The following TMC1 variants were observed in gnomAD, a reference collection of about 807,000 sequenced individuals.
TMC1 encodes the protein transmembrane channel-like protein 1.
Under a neutral mutation model 105.8 loss-of-function variants are expected in TMC1, and 84 were observed. The observed-to-expected ratio is 0.79, with a 90% CI of 0.67 to 0.95. TMC1 has a LOEUF of 0.95. Ranked by LOEUF, TMC1 falls within the 40% of genes least tolerant of loss-of-function variation. TMC1 has a pLI of 0.00. For synonymous variants in TMC1, 315 were observed against 311.5 expected (o/e 1.01, Z -0.12); for missense variants, 817 against 914.1 (o/e 0.89, Z 1.37).
At chr9:72,525,857 A>C (rs891394718) in intron 1 of TMC1, among the ~76,000 whole-genome samples, 2 of 152,078 alleles carry the variant, frequency 1.3e-5, no homozygotes, top group African/African-American at 2.4e-5. Context: ...GCGTGGTGGC[A>C]CACACCTGTA....
chr9:72,639,289 G>T (rs917348550), intron 4 of TMC1, among the ~76,000 whole-genome samples: 1 of 152,090 alleles, frequency 6.6e-6, no homozygotes, highest in Non-Finnish European at 1.5e-5. Flanking sequence ...TTTCCATAAT[G>T]TATGGAAAGA....
intron 2 of TMC1, among the ~76,000 whole-genome samples, chr9:72,585,429 C>T (rs1230057498): frequency 6.6e-6 from 1 of 151,746 alleles, no homozygotes; most frequent in Non-Finnish European, 1.5e-5. Context: ...GGATTACAGG[C>T]GGGAGCCACT....
intron 13 of TMC1, 96 bp downstream of exon 13, chr9:72,772,651 A>T: frequency 6.6e-7 from 1 of 1,505,970 alleles, no homozygotes; most frequent in Non-Finnish European, 9.2e-7. Context: ...TTGCTATTTT[A>T]TGTCTAAAGG....
intron 12 of TMC1, among the ~76,000 whole-genome samples, chr9:72,764,268 C>A (rs963412079): frequency 3.9e-5 from 6 of 152,126 alleles, no homozygotes; most frequent in Non-Finnish European, 7.4e-5. Context: ...GTCCAGATGA[C>A]CACACACGTC....
chr9:72,557,076 A>G (rs1020192667), intron 1 of TMC1, among the ~76,000 whole-genome samples: 2 of 152,158 alleles, frequency 1.3e-5, no homozygotes, highest in Non-Finnish European at 1.5e-5. Context: ...ACGCTGGTCT[A>G]AAAGAAATGA....
chr9:72,808,133 C>G (rs1404667843), intron 18 of TMC1, among the ~76,000 whole-genome samples: 1 of 152,238 alleles, frequency 6.6e-6, no homozygotes, highest in Non-Finnish European at 1.5e-5. Context: ...TTCCAAATCC[C>G]TTTCTAGGCC....
intron 1 of TMC1, among the ~76,000 whole-genome samples, chr9:72,533,952 G>T (rs1823537893): frequency 6.6e-6 from 1 of 152,062 alleles, no homozygotes; most frequent in Non-Finnish European, 1.5e-5. Flanking sequence ...GGCCATCATG[G>T]TGAAACTCCA....
intron 23 of TMC1, among the ~76,000 whole-genome samples, chr9:72,831,321 A>C (rs1399797872): frequency 1.3e-5 from 2 of 152,076 alleles, no homozygotes; most frequent in African/African-American, 2.4e-5. Flanking sequence ...CTGTTTCCCC[A>C]CTGTAAGTAA....
intron 15 of TMC1, among the ~76,000 whole-genome samples, chr9:72,791,474 G>A (rs759317287): frequency 3.3e-5 from 5 of 152,202 alleles, no homozygotes; most frequent in Non-Finnish European, 7.3e-5. Flanking sequence ...ATATGCTGAT[G>A]ATTGTCAGAT....
chr9:72,624,781 C>T (rs992953677), intron 3 of TMC1, among the ~76,000 whole-genome samples: 2 of 152,206 alleles, frequency 1.3e-5, no homozygotes, highest in Non-Finnish European at 2.9e-5. Flanking sequence ...CATAACTCAC[C>T]TGCAATGTGT....
chr9:72,617,836 C>T (rs1407224744), intron 3 of TMC1, among the ~76,000 whole-genome samples: 3 of 151,582 alleles, frequency 2.0e-5, no homozygotes, highest in South Asian at 4.2e-4. Flanking sequence ...CTCCAGGAAG[C>T]GCTGTTAAGT....
intron 2 of TMC1, among the ~76,000 whole-genome samples, chr9:72,582,278 A>T (rs961737901): frequency 3.3e-5 from 5 of 152,216 alleles, no homozygotes; most frequent in African/African-American, 1.2e-4. Context: ...AACAATAAAC[A>T]TGCAAAGATT....
At chr9:72,617,941 G>GTGTGTGTA (rs1825165229) in intron 3 of TMC1, among the ~76,000 whole-genome samples, 1 of 148,870 alleles carries the variant, frequency 6.7e-6, no homozygotes, top group Admixed American at 6.7e-5. Flanking sequence ...GTGTGTGTGT[G>GTGTGTGTA]TGTGTGTGTA....
intron 1 of TMC1, among the ~76,000 whole-genome samples, chr9:72,536,056 T>C (rs1371523210): frequency 2.0e-5 from 3 of 152,246 alleles, no homozygotes; most frequent in Non-Finnish European, 4.4e-5. Context: ...CTAAAACTTA[T>C]GTCCTTCTCA....
At chr9:72,764,803 T>G (rs948293781) in intron 12 of TMC1, among the ~76,000 whole-genome samples, 33 of 152,188 alleles carry the variant, frequency 2.2e-4, no homozygotes, top group Non-Finnish European at 4.3e-4. Flanking sequence ...ATGTTGGGAA[T>G]ACAAAGACAA....
At chr9:72,665,122 A>AT (rs1826022219) in intron 5 of TMC1, among the ~76,000 whole-genome samples, 1 of 152,136 alleles carries the variant, frequency 6.6e-6, no homozygotes, top group African/African-American at 2.4e-5. Flanking sequence ...GGTAATAGGA[A>AT]TTTTTTAGCT....
At chr9:72,599,191 C>A (rs995073839) in intron 2 of TMC1, among the ~76,000 whole-genome samples, 1 of 152,024 alleles carries the variant, frequency 6.6e-6, no homozygotes, top group Non-Finnish European at 1.5e-5. Context: ...CCAGCACACC[C>A]AGCTAATTTT....
rs78643128 is a variant in TMC1, at chr9:72,618,314, T to C, written c.-196+1837T>C. Among the ~76,000 whole-genome samples, 465 of 152,198 alleles carry C rather than the reference T, an allele frequency of 3.1e-3. 3 individuals carry two copies. The highest frequency in any genetic ancestry group is 0.011 in the African/African-American group (448 of 41,544). On this transcript the variant is annotated intron_variant, in intron 3 of 23. Coordinates refer to ENST00000297784, the MANE Select transcript of TMC1 (RefSeq NM_138691.3). ...CTGGGATTATAGGTGTGAACTACCA[T>C]GCCTGCCTGTCTGGATCTCTTTTTA...
intron 7 of TMC1, among the ~76,000 whole-genome samples, chr9:72,697,605 A>G (rs1158309075): frequency 1.3e-5 from 2 of 152,144 alleles, no homozygotes; most frequent in Non-Finnish European, 2.9e-5. Context: ...AGGGTCTCTG[A>G]AAGTTGGCCT....
Sources: allele counts gnomAD v4.1 joint callset (sites outside exome capture counted in the v4.1 genomes callset), GRCh38; gene constraint gnomAD v4.1.1; transcripts MANE v1.5; gene names NCBI Gene and HGNC (gene_info 2026-07-23, HGNC 2026-07-21).